RBFOX1: variants seen among roughly 807,000 people sequenced by gnomAD.
RBFOX1 encodes the protein RNA binding fox-1 homolog 1.
In RBFOX1, 8 loss-of-function variants were observed where a neutral mutation model predicts 57.7. The observed-to-expected ratio is 0.14, with a 90% CI of 0.08 to 0.25. The LOEUF is 0.25. RBFOX1 is among the 10% of genes least tolerant of loss of function. RBFOX1 has a pLI of 1.00. For missense variants in RBFOX1, 611 were observed against 548.5 expected, an observed-to-expected ratio of 1.11 and a Z score of -1.14; for synonymous variants, 326 against 222.4, an observed-to-expected ratio of 1.47 and a Z score of -4.15.
chr16:7,700,346 A>G (rs1568545880), intron 14 of RBFOX1, among the ~76,000 whole-genome samples: 1 of 152,104 alleles, frequency 6.6e-6, no homozygotes, highest in South Asian at 2.1e-4. Flanking sequence ...CACCATTATC[A>G]TCTCCATTTA....
intron 3 of RBFOX1, among the ~76,000 whole-genome samples, chr16:5,732,299 C>T (rs1371840043): frequency 6.6e-6 from 1 of 152,102 alleles, no homozygotes; most frequent in Admixed American, 6.5e-5. Flanking sequence ...GTTTAAAGAC[C>T]TGGAGCCAAG....
chr16:6,442,093 C>G (rs779931671), intron 2 of RBFOX1, among the ~76,000 whole-genome samples: 11 of 152,188 alleles, frequency 7.2e-5, no homozygotes, highest in African/African-American at 2.7e-4. Context: ...CCTTCCCTCA[C>G]AGGCTGCCGG....
chr16:7,225,907 T>TAAATAAATATATATATAC (rs761790895), intron 4 of RBFOX1, among the ~76,000 whole-genome samples: 31 of 131,154 alleles, frequency 2.4e-4, no homozygotes, highest in African/African-American at 9.9e-4. Context: ...GTATAATAAA[T>TAAATAAATATATATATAC]ATATATATAT....
intron 4 of RBFOX1, among the ~76,000 whole-genome samples, chr16:7,132,925 G>A (rs1325239691): frequency 6.6e-6 from 1 of 152,132 alleles, no homozygotes; most frequent in Admixed American, 6.5e-5. Flanking sequence ...ATTTTAACAG[G>A]ATACATTTTT....
At chr16:6,803,475 C>A (rs1372775248) in intron 3 of RBFOX1, among the ~76,000 whole-genome samples, 2 of 152,124 alleles carry the variant, frequency 1.3e-5, no homozygotes, top group Non-Finnish European at 2.9e-5. Context: ...TTCCTAGGGA[C>A]TGAAATTTTT....
chr16:7,044,614 C>T lies in RBFOX1; in HGVS notation c.-15-7443C>T, dbSNP rs547520611. 2.0e-5 allele frequency among the ~76,000 whole-genome samples: 3 copies of T among 152,238 alleles called. No homozygotes were observed. The East Asian group carries it at 5.8e-4, about 29-fold the overall frequency. Reference sequence around the variant, plus strand: ...GAGTGGTATTTGATTCTGGAAGCATCTTAAAGGAACAGCGCCCGACCTTCC... The same window carrying T: ...GAGTGGTATTTGATTCTGGAAGCATTTTAAAGGAACAGCGCCCGACCTTCC... On this transcript the variant is annotated intron_variant, in intron 3 of 15. Transcript: ENST00000550418.
At chr16:6,962,273 A>G (rs568607186) in intron 3 of RBFOX1, among the ~76,000 whole-genome samples, 1 of 152,184 alleles carries the variant, frequency 6.6e-6, no homozygotes, top group South Asian at 2.1e-4. Flanking sequence ...TTACAAAAAG[A>G]CTAGTCATTG....
At chr16:5,516,891 C>A (rs970933001) in intron 2 of RBFOX1, among the ~76,000 whole-genome samples, 1 of 152,168 alleles carries the variant, frequency 6.6e-6, no homozygotes, top group Non-Finnish European at 1.5e-5. Context: ...CCGTGCAGAA[C>A]TGTGAGTCAA....
chr16:6,949,805 T>C (rs1030868512), intron 3 of RBFOX1, among the ~76,000 whole-genome samples: 6 of 151,374 alleles, frequency 4.0e-5, no homozygotes, highest in African/African-American at 1.5e-4. Context: ...GAATTTTTTT[T>C]TTCTGTGTGT....
At chr16:6,666,288 C>G (rs575090608) in intron 3 of RBFOX1, among the ~76,000 whole-genome samples, 17 of 152,252 alleles carry the variant, frequency 1.1e-4, no homozygotes, top group African/African-American at 3.6e-4. Context: ...AATCCCAGCA[C>G]TTTGGGAGGC....
At chr16:6,496,390 G>C (rs547888500) in intron 2 of RBFOX1, among the ~76,000 whole-genome samples, 2 of 152,258 alleles carry the variant, frequency 1.3e-5, no homozygotes, top group East Asian at 3.9e-4. Context: ...TGCGGCAGGC[G>C]TTTGTGTTGC....
chr16:6,327,366 T>A (rs959456351), intron 2 of RBFOX1, among the ~76,000 whole-genome samples: 58 of 152,186 alleles, frequency 3.8e-4, no homozygotes, highest in Admixed American at 3.8e-3. Flanking sequence ...TCACTAGAGT[T>A]AATTACTTAG....
At chr16:7,050,486 G>A (rs532547353) in intron 3 of RBFOX1, among the ~76,000 whole-genome samples, 6 of 151,868 alleles carry the variant, frequency 4.0e-5, no homozygotes, top group Admixed American at 2.0e-4. Context: ...GGTTTGTCTC[G>A]AATTCCTGAC....
chr16:7,351,800 C>A (rs1053934116), intron 4 of RBFOX1, among the ~76,000 whole-genome samples: 1 of 152,182 alleles, frequency 6.6e-6, no homozygotes, highest in Non-Finnish European at 1.5e-5. Flanking sequence ...CCACCTGTTT[C>A]TGGGAGTGCC....
chr16:5,408,915 G>GC (rs1413271794), intron 1 of RBFOX1, among the ~76,000 whole-genome samples: 1 of 152,168 alleles, frequency 6.6e-6, no homozygotes, highest in African/African-American at 2.4e-5. Context: ...TGAGAAATCC[G>GC]CCCCCGTGAT....
intron 3 of RBFOX1, among the ~76,000 whole-genome samples, chr16:5,801,805 G>C (rs1758584586): frequency 6.6e-6 from 1 of 152,138 alleles, no homozygotes; most frequent in Non-Finnish European, 1.5e-5. Context: ...GAGTGAACCG[G>C]GTGCCAAAAT....
intron 4 of RBFOX1, among the ~76,000 whole-genome samples, chr16:5,887,802 A>G (rs1028311380): frequency 1.6e-4 from 24 of 152,150 alleles, no homozygotes; most frequent in African/African-American, 5.3e-4. Flanking sequence ...GTTGTGCCAG[A>G]ATTCTGAGCA....
chr16:6,335,875 A>T (rs923577300), intron 2 of RBFOX1, among the ~76,000 whole-genome samples: 3 of 150,612 alleles, frequency 2.0e-5, no homozygotes, highest in Non-Finnish European at 4.4e-5. Flanking sequence ...CTGCATTGTG[A>T]TATTTCCTAT....
intron 3 of RBFOX1, among the ~76,000 whole-genome samples, chr16:5,733,977 A>T (rs2052479697): frequency 6.6e-6 from 1 of 151,824 alleles, no homozygotes; most frequent in Non-Finnish European, 1.5e-5. Context: ...TCCTGTTCTG[A>T]TGACTGGGCA....
Sources: allele counts gnomAD v4.1 joint callset (sites outside exome capture counted in the v4.1 genomes callset), GRCh38; gene constraint gnomAD v4.1.1; transcripts MANE v1.5; gene names NCBI Gene and HGNC (gene_info 2026-07-23, HGNC 2026-07-21).